RBFOX2: variants seen among roughly 807,000 people sequenced by gnomAD.
RBFOX2 encodes RNA binding protein fox-1 homolog 2.
A neutral mutation model predicts 49.1 loss-of-function variants in RBFOX2; 10 were observed. That is an observed-to-expected ratio of 0.20 (90% confidence interval 0.13 to 0.35). RBFOX2 has a LOEUF of 0.35. Ranked by LOEUF, RBFOX2 falls within the 10% of genes least tolerant of loss-of-function variation. The pLI, the probability that RBFOX2 is intolerant of heterozygous loss-of-function variation, is 1.00. For synonymous variants in RBFOX2, 183 were observed against 187.4 expected (o/e 0.98, Z 0.19); for missense variants, 323 against 486.9 (o/e 0.66, Z 3.17).
intron 1 of RBFOX2, among the ~76,000 whole-genome samples, chr22:35,960,782 A>T (rs1426417259): frequency 6.6e-6 from 1 of 152,094 alleles, no homozygotes; most frequent in Non-Finnish European, 1.5e-5. Flanking sequence ...CTAGGTAGGT[A>T]TTTTTTTAAA....
intron 1 of RBFOX2, among the ~76,000 whole-genome samples, chr22:35,876,701 AACAC>A (rs142455818): frequency 0.017 from 2,453 of 140,494 alleles, 15 homozygotes; most frequent in African/African-American, 0.024. Flanking sequence ...CATTAAAAGA[AACAC>A]ACACACACAC....
intron 2 of RBFOX2, among the ~76,000 whole-genome samples, chr22:35,786,548 C>T (rs1266154298): frequency 6.6e-6 from 1 of 152,226 alleles, no homozygotes; most frequent in Non-Finnish European, 1.5e-5. Flanking sequence ...GGGCCCCCAC[C>T]AGTCACGGTT....
chr22:35,944,374 C>T (rs1453859199), intron 1 of RBFOX2, among the ~76,000 whole-genome samples: 1 of 152,068 alleles, frequency 6.6e-6, no homozygotes, highest in Non-Finnish European at 1.5e-5. Context: ...TTATCAATAT[C>T]ATTTCTGAAT....
chr22:36,002,547 T>G (rs2058468789), intron 1 of RBFOX2, among the ~76,000 whole-genome samples: 1 of 152,256 alleles, frequency 6.6e-6, no homozygotes, highest in Non-Finnish European at 1.5e-5. Flanking sequence ...TATAAACATT[T>G]ATGTGCACAG....
At chr22:35,946,312 T>C (rs549259983) in intron 1 of RBFOX2, among the ~76,000 whole-genome samples, 8 of 152,346 alleles carry the variant, frequency 5.3e-5, no homozygotes, top group Admixed American at 2.0e-4. Flanking sequence ...TACAGATATA[T>C]GTAACTCCTT....
chr22:36,028,206 C>A, intron 1 of RBFOX2, 34 bp downstream of exon 1: 1 of 1,460,018 alleles, frequency 6.8e-7, no homozygotes, highest in Non-Finnish European at 9.0e-7. Context: ...CGCCCACCCC[C>A]GCAATAACTG....
At chr22:35,856,702 G>A (rs143562048) in intron 1 of RBFOX2, among the ~76,000 whole-genome samples, 384 of 151,912 alleles carry the variant, frequency 2.5e-3, no homozygotes, top group Non-Finnish European at 4.0e-3. Flanking sequence ...GGGTGGAGGA[G>A]GAAGATATAT....
intron 9 of RBFOX2, among the ~76,000 whole-genome samples, chr22:35,757,828 G>A (rs570414371): frequency 1.3e-5 from 2 of 152,202 alleles, no homozygotes; most frequent in Non-Finnish European, 2.9e-5. Flanking sequence ...AAAATGAGAA[G>A]GCTGATAAAA....
intron 1 of RBFOX2, among the ~76,000 whole-genome samples, chr22:35,811,125 T>C (rs773584325): frequency 6.6e-6 from 1 of 151,914 alleles, no homozygotes; most frequent in Non-Finnish European, 1.5e-5. Flanking sequence ...AAAAACTGCT[T>C]TACACAATAG....
At chr22:35,755,315 T>C (rs554261287) in intron 9 of RBFOX2, among the ~76,000 whole-genome samples, 1 of 152,362 alleles carries the variant, frequency 6.6e-6, no homozygotes, top group South Asian at 2.1e-4. Flanking sequence ...TTGTCAATTA[T>C]ATCACTTTGT....
At chr22:35,890,414 G>A (rs1337675969) in intron 1 of RBFOX2, among the ~76,000 whole-genome samples, 5 of 152,066 alleles carry the variant, frequency 3.3e-5, no homozygotes, top group African/African-American at 1.2e-4. Flanking sequence ...AGAGATTAAT[G>A]ATAACTAATA....
At chr22:35,866,838 G>A (rs1014459911) in intron 1 of RBFOX2, among the ~76,000 whole-genome samples, 1 of 152,170 alleles carries the variant, frequency 6.6e-6, no homozygotes, top group African/African-American at 2.4e-5. Flanking sequence ...CGCCAGGAAA[G>A]GCCAAGTGAG....
intron 1 of RBFOX2, among the ~76,000 whole-genome samples, chr22:35,936,054 G>A (rs1336506758): frequency 1.3e-5 from 2 of 151,760 alleles, no homozygotes; most frequent in Non-Finnish European, 2.9e-5. Flanking sequence ...AAAGAATAAG[G>A]AAAGCAAACA....
intron 1 of RBFOX2, among the ~76,000 whole-genome samples, chr22:36,026,091 C>T (rs994889636): frequency 2.6e-5 from 4 of 151,914 alleles, no homozygotes; most frequent in African/African-American, 7.3e-5. Context: ...CTGGTGAAAC[C>T]CCCTCTCTAC....
chr22:35,976,861 G>A (rs1055356119), intron 1 of RBFOX2, among the ~76,000 whole-genome samples: 2 of 151,980 alleles, frequency 1.3e-5, no homozygotes, highest in Non-Finnish European at 2.9e-5. Flanking sequence ...CTACTTGGGA[G>A]GCTGAGGCAG....
intron 1 of RBFOX2, among the ~76,000 whole-genome samples, chr22:35,992,030 C>T (rs2058005082): frequency 6.6e-6 from 1 of 152,138 alleles, no homozygotes; most frequent in African/African-American, 2.4e-5. Context: ...GGAACTGAGC[C>T]TCAGAGAAAT....
At position 35,974,593 on chromosome 22, in the gene RBFOX2, G is replaced by A. The variant is rs548712662; in HGVS notation, c.187-35696C>T. Among the ~76,000 whole-genome samples the A allele has an allele frequency of 1.8e-3, 277 of 152,058 alleles. 1 individual carries two copies. Among genetic ancestry groups the A allele is most frequent in the African/African-American group, 6.0e-3 (250 of 41,496 alleles). On this transcript the variant is annotated intron_variant, in intron 1 of 13. Coordinates refer to the RBFOX2 transcript ENST00000438146. ...TCCCAGCTACTCAGGAGGCTGAGGC[G>A]GGAGAATCACTTGAACCCAGGAGGC...
intron 1 of RBFOX2, among the ~76,000 whole-genome samples, chr22:35,916,552 G>A (rs2050431971): frequency 6.6e-6 from 1 of 152,166 alleles, no homozygotes; most frequent in African/African-American, 2.4e-5. Context: ...AAAGGGCTGG[G>A]GTTACAGGCA....
At chr22:35,918,756 C>T (rs774486271) in intron 1 of RBFOX2, among the ~76,000 whole-genome samples, 11 of 152,120 alleles carry the variant, frequency 7.2e-5, no homozygotes, top group Non-Finnish European at 1.3e-4. Flanking sequence ...GAATACTGCA[C>T]GTGTTCGGGT....
Sources: allele counts gnomAD v4.1 joint callset (sites outside exome capture counted in the v4.1 genomes callset), GRCh38; gene constraint gnomAD v4.1.1; transcripts MANE v1.5; gene names NCBI Gene and HGNC (gene_info 2026-07-23, HGNC 2026-07-21).